Variants in RANBP17 observed in about 807,000 individuals in gnomAD.
The protein encoded by RANBP17 is ran-binding protein 17.
A neutral mutation model predicts 141.2 loss-of-function variants in RANBP17; 158 were observed. The observed-to-expected ratio is 1.12, with a 90% CI of 0.98 to 1.28. The LOEUF is 1.28. Ranked by LOEUF, RANBP17 falls within the 50% of genes most tolerant of loss-of-function variation. RANBP17 has a pLI of 0.00. For missense variants in RANBP17, 1,438 were observed against 1,290.7 expected, an observed-to-expected ratio of 1.11 and a Z score of -1.75; for synonymous variants, 430 against 450.0, an observed-to-expected ratio of 0.96 and a Z score of 0.56.
chr5:170,877,333 A>T (rs1166723277), intron 1 of RANBP17, among the ~76,000 whole-genome samples: 2 of 152,052 alleles, frequency 1.3e-5, no homozygotes, highest in African/African-American at 2.4e-5. Context: ...TGATAGTATC[A>T]AGGCTCACTG....
At chr5:170,988,802 A>G (rs1778322108) in intron 14 of RANBP17, among the ~76,000 whole-genome samples, 1 of 151,778 alleles carries the variant, frequency 6.6e-6, no homozygotes, top group African/African-American at 2.4e-5. Context: ...ACTCTGCCAG[A>G]TACCTCTTAC....
At position 171,292,881 on chromosome 5, in the gene RANBP17, A is replaced by G. The variant is rs371358629; in HGVS notation, c.2944-1002A>G. Among the ~76,000 whole-genome samples, 198 of 152,258 alleles carry G rather than the reference A, an allele frequency of 1.3e-3. 8 individuals carry two copies. In the South Asian group the frequency reaches 0.04, roughly 30 times the overall value. ...CAGAGCATGTCTCATCTGTGCTGCA[A>G]ACATATCACTAGCTCCCCACTACCA... is the stretch of plus-strand genomic sequence containing the variant. On this transcript the variant is annotated intron_variant, in intron 25 of 27. Coordinates refer to ENST00000523189, the MANE Select transcript of RANBP17 (RefSeq NM_022897.5).
intron 22 of RANBP17, among the ~76,000 whole-genome samples, chr5:171,227,352 G>A (rs1056407166): frequency 6.6e-6 from 1 of 152,232 alleles, no homozygotes; most frequent in Admixed American, 6.5e-5. Context: ...AGTAGTCTGA[G>A]ATCAAACCAG....
chr5:170,874,081 C>A (rs1385513284), intron 1 of RANBP17, among the ~76,000 whole-genome samples: 3 of 152,124 alleles, frequency 2.0e-5, no homozygotes, highest in Non-Finnish European at 4.4e-5. Context: ...TTCTTGATTT[C>A]TGCGTTAATT....
chr5:171,170,197 C>T lies in RANBP17; in HGVS notation c.1778C>T (p.Thr593Ile). ...DDNHVLETFM[T>I]KIVTNLKYWG... ...AACCACGTTCTAGAGACGTTCATGA[C>T]AAAAATGTGAGTTCTTGTTTTGGTC... Residue 593 changes from threonine (T) to isoleucine (I), a missense_variant, in exon 15 of 28, where the codon ACA becomes ATA. Physicochemically the swap from Thr to Ile is moderately conservative, Grantham distance 89. Coordinates refer to ENST00000523189, the MANE Select transcript of RANBP17 (RefSeq NM_022897.5). 1 of 1,552,722 alleles carries T rather than the reference C, an allele frequency of 6.4e-7. No homozygotes were observed. The highest frequency in any genetic ancestry group is 1.2e-5 in the South Asian group (1 of 80,224).
chr5:171,192,191 A>G (rs1399152895), intron 18 of RANBP17, among the ~76,000 whole-genome samples: 1 of 152,214 alleles, frequency 6.6e-6, no homozygotes, highest in Admixed American at 6.5e-5. Flanking sequence ...AACTGTGTCC[A>G]TGACTTGGCA....
chr5:171,268,389 A>G (rs1309714780), intron 25 of RANBP17, among the ~76,000 whole-genome samples: 2 of 152,206 alleles, frequency 1.3e-5, no homozygotes, highest in African/African-American at 2.4e-5. Flanking sequence ...GGAAAGTGGT[A>G]GAGTTGGAAT....
chr5:170,983,949 G>T (rs1348119286), intron 14 of RANBP17, among the ~76,000 whole-genome samples: 3 of 152,110 alleles, frequency 2.0e-5, no homozygotes, highest in Admixed American at 2.0e-4. Context: ...AATGTGCAAA[G>T]CCTTAAAGCT....
chr5:170,983,148 A>C, intron 14 of RANBP17: 3 of 514,156 alleles, frequency 5.8e-6, no homozygotes, highest in South Asian at 1.6e-5. Context: ...TCTGAGAATC[A>C]GAGGATCAAA....
At chr5:170,885,692 A>G (rs1160482518) in intron 3 of RANBP17, among the ~76,000 whole-genome samples, 1 of 152,136 alleles carries the variant, frequency 6.6e-6, no homozygotes, top group African/African-American at 2.4e-5. Flanking sequence ...CTTGTGGTGT[A>G]TTTGTCCCTA....
rs1769005640 is a variant in RANBP17 at position 171,299,233 on chromosome 5, A to C, written c.*375A>C. 7.9e-6 allele frequency: 2 copies of C among 251,852 alleles called. No individual in the cohort carries two copies. Among genetic ancestry groups the C allele is most frequent in the African/African-American group, 4.4e-5 (2 of 45,764 alleles). The allele number at this position is 251,852 out of a possible 1,614,324, so 15.6% of individuals were successfully genotyped here. Reference sequence around the variant, plus strand: ...AAGGTTGTCAATTTGTTGGAGATGCAGCCTTCACCATGGATCCTGGATTGA... The same window carrying C: ...AAGGTTGTCAATTTGTTGGAGATGCCGCCTTCACCATGGATCCTGGATTGA... On this transcript the variant is annotated 3_prime_UTR_variant, in exon 28 of 28. Coordinates refer to ENST00000523189, the MANE Select transcript of RANBP17 (RefSeq NM_022897.5).
At chr5:171,119,352 A>G (rs1755858470) in intron 14 of RANBP17, among the ~76,000 whole-genome samples, 1 of 152,062 alleles carries the variant, frequency 6.6e-6, no homozygotes, top group African/African-American at 2.4e-5. Context: ...TGTTGTCCTG[A>G]TTTTGATATC....
intron 14 of RANBP17, among the ~76,000 whole-genome samples, chr5:171,076,865 C>T (rs1316094302): frequency 1.3e-5 from 2 of 152,084 alleles, no homozygotes; most frequent in Non-Finnish European, 2.9e-5. Context: ...TTTGACTATA[C>T]CAGTTGTAAC....
intron 14 of RANBP17, among the ~76,000 whole-genome samples, chr5:171,011,601 T>TATACATTTATGC (rs1464317754): frequency 6.6e-6 from 1 of 152,082 alleles, no homozygotes; most frequent in Non-Finnish European, 1.5e-5. Context: ...TACATCTATA[T>TATACATTTATGC]ATACATTTAT....
Position 171,061,124 on chromosome 5 carries a change from A to G in RANBP17, c.1710+92747A>G, listed in dbSNP as rs1783811919. On this transcript the variant is annotated intron_variant, in intron 14 of 27. Coordinates refer to ENST00000523189, the MANE Select transcript of RANBP17 (RefSeq NM_022897.5). ...TTTCAAAAAACCAGCTCCTGGATTC[A>G]TTGATTTTTGGAAGGGTTTTTTGTG... is the stretch of plus-strand genomic sequence containing the variant. Among the ~76,000 whole-genome samples the G allele has an allele frequency of 1.5e-4, 23 of 152,032 alleles. No homozygotes were observed. The South Asian group carries it at 4.8e-3, about 32-fold the overall frequency.
intron 14 of RANBP17, among the ~76,000 whole-genome samples, chr5:171,111,212 A>G (rs900293072): frequency 6.6e-6 from 1 of 152,154 alleles, no homozygotes; most frequent in Non-Finnish European, 1.5e-5. Flanking sequence ...ATGCCAAAGT[A>G]GCATATTTTG....
In RANBP17 at chr5:171,120,430, G is replaced by C. The variant is rs371533757; in HGVS notation, c.1711-49700G>C. On this transcript the variant is annotated intron_variant, in intron 14 of 27. Coordinates refer to ENST00000523189, the MANE Select transcript of RANBP17 (RefSeq NM_022897.5). The stretch of plus-strand genomic sequence containing the variant: ...GTGGCTAAGCTGGCACTCAAGTCAT[G>C]ATACAAAGTCCTTCCCTCTCTTTGC... Among the ~76,000 whole-genome samples the C allele has an allele frequency of 4.5e-4, 68 of 152,342 alleles. 2 individuals are homozygous for C. In the South Asian group the frequency reaches 0.013, roughly 30 times the overall value.
At chr5:170,998,898 T>G (rs913894494) in intron 14 of RANBP17, among the ~76,000 whole-genome samples, 3 of 152,124 alleles carry the variant, frequency 2.0e-5, no homozygotes, top group Non-Finnish European at 4.4e-5. Flanking sequence ...AGATAGATGA[T>G]CACATTTTAG....
chr5:171,296,415 G>A (rs1167665672), intron 27 of RANBP17, among the ~76,000 whole-genome samples: 3 of 152,126 alleles, frequency 2.0e-5, no homozygotes, highest in Non-Finnish European at 4.4e-5. Flanking sequence ...GCTGAGTTAG[G>A]ATCCTGACTA....
Sources: gnomAD v4.1 joint callset for allele counts (sites outside exome capture counted in the v4.1 genomes callset) on GRCh38, gnomAD v4.1.1 for gene constraint, MANE v1.5 for transcripts, NCBI Gene and HGNC (gene_info 2026-07-23, HGNC 2026-07-21) for gene names.